The following DOCK10 variants were observed in gnomAD, a reference collection of about 807,000 sequenced individuals.
DOCK10 encodes dedicator of cytokinesis protein 10.
DOCK10 carries 145 observed loss-of-function variants against 280.1 expected under a neutral mutation model. That is an observed-to-expected ratio of 0.52 (90% CI 0.45 to 0.59). The LOEUF is 0.59. Among genes scored for constraint, DOCK10 ranks in the 20% least tolerant of loss-of-function variants. The pLI is 0.00. For synonymous variants in DOCK10, 915 were observed against 942.2 expected (o/e 0.97, Z 0.53); for missense variants, 2,368 against 2,651.7 (o/e 0.89, Z 2.35).
rs182387261 is a variant in DOCK10, at chr2:224,891,798, C to T, written c.416+4497G>A. On this transcript the variant is annotated intron_variant, in intron 4 of 55. Coordinates refer to ENST00000258390, the MANE Select transcript of DOCK10 (RefSeq NM_014689.3). Reference sequence around the variant, plus strand: ...CAGAGACTGTCAATTTAAGTCAGATCTGGGGCTAGGGTTGTAGTGAATGTA... The same window carrying T: ...CAGAGACTGTCAATTTAAGTCAGATTTGGGGCTAGGGTTGTAGTGAATGTA... Among the ~76,000 whole-genome samples, 398 of 152,316 alleles carry T rather than the reference C, an allele frequency of 2.6e-3. 2 individuals carry two copies. The highest frequency in any genetic ancestry group is 3.6e-3 in the Non-Finnish European group (242 of 68,030).
At chr2:224,956,622 T>A (rs1704052248) in intron 1 of DOCK10, among the ~76,000 whole-genome samples, 2 of 64,954 alleles carry the variant, frequency 3.1e-5, no homozygotes, top group Non-Finnish European at 2.6e-5. Flanking sequence ...AGACGCTACC[T>A]CAGAAAAAAA....
At chr2:224,926,623 A>C (rs544708572) in intron 2 of DOCK10, among the ~76,000 whole-genome samples, 13 of 152,236 alleles carry the variant, frequency 8.5e-5, no homozygotes, top group Non-Finnish European at 1.5e-4. Flanking sequence ...CCTCTTTAAA[A>C]AGGGAAACGT....
chr2:224,907,117 CG>C (rs1700695384), intron 3 of DOCK10, among the ~76,000 whole-genome samples: 1 of 151,986 alleles, frequency 6.6e-6, no homozygotes, highest in Non-Finnish European at 1.5e-5. Flanking sequence ...TTTATGCCAC[CG>C]GATTCACAGT....
intron 3 of DOCK10, among the ~76,000 whole-genome samples, chr2:224,900,382 T>G (rs895219726): frequency 6.6e-6 from 1 of 152,180 alleles, no homozygotes; most frequent in Non-Finnish European, 1.5e-5. Context: ...TCTTTGAGAC[T>G]ATTATTCCCA....
chr2:224,801,059 A>G (rs1239741592), intron 40 of DOCK10, among the ~76,000 whole-genome samples: 2 of 152,080 alleles, frequency 1.3e-5, no homozygotes, highest in African/African-American at 4.8e-5. Context: ...AAGAAAGGCA[A>G]TTGTGGAGAC....
chr2:224,899,760 C>A (rs1700187781), intron 3 of DOCK10, among the ~76,000 whole-genome samples: 1 of 152,108 alleles, frequency 6.6e-6, no homozygotes, highest in Non-Finnish European at 1.5e-5. Context: ...CTATACCACC[C>A]TATTTTGATT....
At position 224,917,101 on chromosome 2, in the gene DOCK10, C is replaced by CTTTTTTTTTTTTTTTTTTTTTTTTT. The variant is rs58223345; in HGVS notation, c.244-318_244-317insAAAAAAAAAAAAAAAAAAAAAAAAA. 4.2e-5 allele frequency among the ~76,000 whole-genome samples: 4 copies of CTTTTTTTTTTTTTTTTTTTTTTTTT among 95,780 alleles called. 1 individual carries two copies. The highest frequency in any genetic ancestry group is 1.4e-4 in the African/African-American group (3 of 22,076). The allele number at this position is 95,780 out of a possible 152,430, so 62.8% of individuals were successfully genotyped here. A position where few individuals can be genotyped will look rare whatever the true frequency, so the allele number is the denominator to read the frequency against. On this transcript the variant is annotated intron_variant, in intron 2 of 55. Coordinates refer to ENST00000258390, the MANE Select transcript of DOCK10 (RefSeq NM_014689.3). Reference sequence around the variant, plus strand: ...CAATTTAGCTGATTTCTATTGGAATCTTTTTTTTTTTTTTTTTTTTTTGAG... The same window carrying CTTTTTTTTTTTTTTTTTTTTTTTTT: ...CAATTTAGCTGATTTCTATTGGAATCTTTTTTTTTTTTTTTTTTTTTTTTTTTTTTTTTTTTTTTTTTTTTTTGAG...
intron 2 of DOCK10, among the ~76,000 whole-genome samples, chr2:224,925,628 G>C (rs1391319980): frequency 6.6e-6 from 1 of 152,216 alleles, no homozygotes; most frequent in Non-Finnish European, 1.5e-5. Context: ...GGTGGTCCAT[G>C]AAGGTAAATT....
intron 19 of DOCK10, among the ~76,000 whole-genome samples, chr2:224,847,359 A>T (rs2125510346): frequency 6.6e-6 from 1 of 152,190 alleles, no homozygotes; most frequent in Non-Finnish European, 1.5e-5. Flanking sequence ...GTAAAAGAGG[A>T]TCTTTCAGGA....
intron 1 of DOCK10, among the ~76,000 whole-genome samples, chr2:225,003,844 T>C (rs1052344804): frequency 3.9e-5 from 6 of 152,166 alleles, no homozygotes; most frequent in Admixed American, 1.3e-4. Flanking sequence ...CTTTTCTCTG[T>C]GTGACTTGTT....
At chr2:224,841,077 A>G (rs1695930741) in intron 23 of DOCK10, among the ~76,000 whole-genome samples, 1 of 152,146 alleles carries the variant, frequency 6.6e-6, no homozygotes, top group African/African-American at 2.4e-5. Context: ...ATAGAAGTAG[A>G]GAGTGGAATG....
chr2:224,871,638 C>T lies in DOCK10; in HGVS notation c.1257+2358G>A, dbSNP rs141366068. On this transcript the variant is annotated intron_variant, in intron 11 of 55. Transcript: ENST00000258390. ...TACCCTTCACCTCCCTAACTCTTTTCAGTTCCTAGAACTTGCTAAAGCTTA... is the reference window on the plus strand; with the variant it reads ...TACCCTTCACCTCCCTAACTCTTTTTAGTTCCTAGAACTTGCTAAAGCTTA... 8.3e-3 allele frequency among the ~76,000 whole-genome samples: 1,260 copies of T among 152,320 alleles called. 12 individuals carry two copies. The highest frequency in any genetic ancestry group is 0.013 in the Non-Finnish European group (852 of 68,032).
intron 18 of DOCK10, 30 bp from the exon 19 acceptor site, chr2:224,849,629 A>G (rs370063241): frequency 3.4e-6 from 5 of 1,462,030 alleles, no homozygotes; most frequent in Non-Finnish European, 4.7e-6. Context: ...TTGAACAATT[A>G]TGAGTGTCTG....
chr2:224,793,366 T>G (rs1692338088), intron 46 of DOCK10, 34 bp downstream of exon 46: 1 of 1,566,632 alleles, frequency 6.4e-7, no homozygotes, highest in Non-Finnish European at 8.7e-7. Flanking sequence ...TGTTGATATC[T>G]AGGCTTTTTG....
Position 224,975,592 on chromosome 2 carries a change from T to C in DOCK10, c.124-43924A>G, listed in dbSNP as rs1260180337. On this transcript the variant is annotated intron_variant, in intron 1 of 55. Coordinates refer to ENST00000258390, the MANE Select transcript of DOCK10 (RefSeq NM_014689.3). The stretch of plus-strand genomic sequence containing the variant: ...AATAAAACTTTGTTAGGTTAGAATA[T>C]TTACTATAGGGATAAGAAGAGAGTC... Among the ~76,000 whole-genome samples, 6 of 152,328 alleles carry C rather than the reference T, an allele frequency of 3.9e-5. No homozygotes were observed. In the East Asian group the frequency reaches 1.2e-3, roughly 29 times the overall value.
At chr2:224,936,990 G>T (rs1035302916) in intron 1 of DOCK10, among the ~76,000 whole-genome samples, 3 of 152,080 alleles carry the variant, frequency 2.0e-5, no homozygotes, top group Admixed American at 6.6e-5. Context: ...ATTAAGAAAA[G>T]ATACACAAAA....
intron 14 of DOCK10, 81 bp downstream of exon 14, chr2:224,862,583 A>T: frequency 3.5e-6 from 4 of 1,140,246 alleles, no homozygotes; most frequent in Non-Finnish European, 5.2e-6. Flanking sequence ...ATAATAGGCA[A>T]CACAAAAACG....
intron 3 of DOCK10, among the ~76,000 whole-genome samples, chr2:224,898,618 C>G (rs567345492): frequency 2.1e-4 from 32 of 152,266 alleles, no homozygotes; most frequent in African/African-American, 7.7e-4. Context: ...GCTCTGTCGC[C>G]GAGGCTGGAG....
At chr2:225,041,175 C>A (rs2106152904) in intron 1 of DOCK10, among the ~76,000 whole-genome samples, 1 of 152,308 alleles carries the variant, frequency 6.6e-6, no homozygotes. Flanking sequence ...CTCTGGGAAG[C>A]TTTTGGCGCC....
Sources: gnomAD v4.1 joint callset for allele counts (sites outside exome capture counted in the v4.1 genomes callset) on GRCh38, gnomAD v4.1.1 for gene constraint, MANE v1.5 for transcripts, NCBI Gene and HGNC (gene_info 2026-07-23, HGNC 2026-07-21) for gene names.